Variants in STXBP4 observed in about 807,000 individuals in gnomAD.
STXBP4 encodes syntaxin binding protein 4.
In STXBP4, 55 loss-of-function variants were observed where a neutral mutation model predicts 76.1. The ratio of observed to expected loss-of-function variants is 0.72; its 90% CI spans 0.58 to 0.91. The LOEUF is 0.91. Among genes scored for constraint, STXBP4 ranks in the 40% least tolerant of loss-of-function variants. STXBP4 has a pLI of 0.00. For synonymous variants in STXBP4, 201 were observed against 220.2 expected, an observed-to-expected ratio of 0.91 and a Z score of 0.77; for missense variants, 618 against 636.9, an observed-to-expected ratio of 0.97 and a Z score of 0.32.
intron 8 of STXBP4, among the ~76,000 whole-genome samples, chr17:55,020,541 G>T (rs887864123): frequency 1.3e-5 from 2 of 152,006 alleles, no homozygotes; most frequent in African/African-American, 4.8e-5. Context: ...CTTTCGGCCG[G>T]GCGTGATGGC....
intron 17 of STXBP4, among the ~76,000 whole-genome samples, chr17:55,151,259 C>T (rs2080214205): frequency 2.0e-5 from 3 of 152,056 alleles, no homozygotes; most frequent in Non-Finnish European, 2.9e-5. Flanking sequence ...GGGTAGTGGT[C>T]CCACTACTGT....
intron 16 of STXBP4, among the ~76,000 whole-genome samples, chr17:55,105,417 A>G (rs997019430): frequency 9.9e-5 from 15 of 150,794 alleles, no homozygotes; most frequent in Non-Finnish European, 1.5e-4. Context: ...TTCAGCTTCC[A>G]TGTAGTTGTG....
At chr17:55,091,314 T>C (rs1427910336) in intron 16 of STXBP4, among the ~76,000 whole-genome samples, 1 of 152,198 alleles carries the variant, frequency 6.6e-6, no homozygotes, top group Non-Finnish European at 1.5e-5. Context: ...AAAATGTTTT[T>C]AATGGTCATA....
At chr17:55,135,630 T>C (rs1249749412) in intron 16 of STXBP4, among the ~76,000 whole-genome samples, 1 of 152,168 alleles carries the variant, frequency 6.6e-6, no homozygotes, top group African/African-American at 2.4e-5. Context: ...GAAAATTAGC[T>C]AGTAGTTCTT....
At chr17:55,076,127 C>G (rs915264608) in intron 13 of STXBP4, among the ~76,000 whole-genome samples, 21 of 152,098 alleles carry the variant, frequency 1.4e-4, no homozygotes, top group African/African-American at 5.1e-4. Context: ...TCTGGCTTGC[C>G]TTTTCACTCT....
intron 12 of STXBP4, among the ~76,000 whole-genome samples, chr17:55,068,827 A>G (rs920287000): frequency 6.6e-6 from 1 of 152,170 alleles, no homozygotes; most frequent in Non-Finnish European, 1.5e-5. Flanking sequence ...TTAAAAGTGT[A>G]AAATTCTGAT....
intron 17 of STXBP4, among the ~76,000 whole-genome samples, chr17:55,158,847 AAG>A (rs2080308864): frequency 6.6e-6 from 1 of 152,242 alleles, no homozygotes; most frequent in African/African-American, 2.4e-5. Context: ...TTGATTTAAT[AAG>A]AGATAAGACC....
chr17:55,006,991 T>C (rs2078020144), intron 7 of STXBP4, among the ~76,000 whole-genome samples: 1 of 152,184 alleles, frequency 6.6e-6, no homozygotes, highest in South Asian at 2.1e-4. Context: ...CCTACTCTTA[T>C]ATCTTAGGAC....
chr17:55,117,970 C>G (rs990180548), intron 16 of STXBP4, among the ~76,000 whole-genome samples: 1 of 151,888 alleles, frequency 6.6e-6, no homozygotes, highest in Admixed American at 6.6e-5. Flanking sequence ...TTTTTGAAAG[C>G]TTACTGATGT....
At chr17:55,096,034 C>T (rs2079481267) in intron 16 of STXBP4, among the ~76,000 whole-genome samples, 4 of 152,076 alleles carry the variant, frequency 2.6e-5, no homozygotes, top group Admixed American at 1.3e-4. Context: ...TCTGAGTATT[C>T]GCTTCCTGTC....
At chr17:55,176,045 T>C (rs886340132), downstream of STXBP4, among the ~76,000 whole-genome samples, 2 of 152,216 alleles carry the variant, frequency 1.3e-5, no homozygotes, top group African/African-American at 4.8e-5. Context: ...AGAGGAGGTC[T>C]GCTATCTGAG....
At chr17:55,109,136 AT>A (rs1430689504) in intron 16 of STXBP4, among the ~76,000 whole-genome samples, 10 of 152,176 alleles carry the variant, frequency 6.6e-5, no homozygotes, top group African/African-American at 9.6e-5. Flanking sequence ...TGAAACCTTC[AT>A]TTTTTAAAAG....
rs551704605 is a variant in STXBP4 at position 55,060,591 on chromosome 17, C to T, written c.1012-12309C>T. Among the ~76,000 whole-genome samples, 10 of 152,138 alleles carry T rather than the reference C, an allele frequency of 6.6e-5. No homozygotes were observed. The South Asian group carries it at 2.1e-3, about 32-fold the overall frequency. ...GGCTCATTTTTCACTGGAAGGATCA[C>T]CTTCATTGTTTTATTCAATCAAGGA... On this transcript the variant is annotated intron_variant, in intron 12 of 17. Coordinates refer to ENST00000376352, the MANE Select transcript of STXBP4 (RefSeq NM_178509.6).
chr17:55,030,151 C>G (rs1284704406), intron 8 of STXBP4, among the ~76,000 whole-genome samples: 3 of 152,088 alleles, frequency 2.0e-5, no homozygotes, highest in Non-Finnish European at 4.4e-5. Context: ...TTCTTTCACA[C>G]CAAAAAGAAG....
intron 13 of STXBP4, among the ~76,000 whole-genome samples, chr17:55,075,516 A>G (rs2079171198): frequency 6.6e-6 from 1 of 152,126 alleles, no homozygotes; most frequent in Non-Finnish European, 1.5e-5. Flanking sequence ...CCTGCTCCAC[A>G]TGTGTAATAG....
chr17:55,177,142 A>G (rs777531130), downstream of STXBP4, among the ~76,000 whole-genome samples: 15 of 152,168 alleles, frequency 9.9e-5, no homozygotes, highest in Non-Finnish European at 1.9e-4. Flanking sequence ...CTCTGTACCT[A>G]TAATGATACA....
At chr17:55,198,026 C>T in the STXBP4 span, among the ~76,000 whole-genome samples, 14 of 152,258 alleles carry the variant, frequency 9.2e-5, no homozygotes, top group South Asian at 2.7e-3. Context: ...GGGAGCAGCC[C>T]GAGTAGCGGC....
At chr17:54,973,012 G>A (rs2077422161) in intron 1 of STXBP4, among the ~76,000 whole-genome samples, 1 of 152,212 alleles carries the variant, frequency 6.6e-6, no homozygotes, top group South Asian at 2.1e-4. Flanking sequence ...TGACGAGGAA[G>A]AAAGAAAGAG....
At chr17:55,140,498 T>G (rs1258803287) in intron 16 of STXBP4, among the ~76,000 whole-genome samples, 1 of 152,018 alleles carries the variant, frequency 6.6e-6, no homozygotes, top group Non-Finnish European at 1.5e-5. Flanking sequence ...TTAGCAGTAC[T>G]TGGATGGAAC....
Sources: allele counts gnomAD v4.1 joint callset (sites outside exome capture counted in the v4.1 genomes callset), GRCh38; gene constraint gnomAD v4.1.1; transcripts MANE v1.5; gene names NCBI Gene and HGNC (gene_info 2026-07-23, HGNC 2026-07-21).